GOLM2: variants seen among roughly 807,000 people sequenced by gnomAD.
GOLM2 encodes the protein golgi membrane protein 2, also known as protein GOLM2.
GOLM2 carries 26 observed loss-of-function variants against 55.9 expected under a neutral mutation model. That is an observed-to-expected ratio of 0.47 (90% CI 0.34 to 0.65). The LOEUF (loss-of-function observed/expected upper bound fraction) is 0.65. Ranked by LOEUF, GOLM2 falls within the 30% of genes least tolerant of loss-of-function variation. The probability of loss-of-function intolerance (pLI) is 0.01; values close to 1 mark genes in which losing one functional copy is unlikely to be tolerated. For missense variants in GOLM2, 486 were observed against 531.8 expected (o/e 0.91, Z 0.85); for synonymous variants, 165 against 194.6 (o/e 0.85, Z 1.27).
Position 44,322,976 on chromosome 15 carries a change from G to A in GOLM2, c.339G>A (p.Gln113=). 1 of 1,573,818 alleles carries A rather than the reference G, an allele frequency of 6.4e-7. No homozygotes were observed. The highest frequency in any genetic ancestry group is 8.6e-7 in the Non-Finnish European group (1 of 1,163,748). Residue 113 remains glutamine, a synonymous_variant, in exon 2 of 10, where the codon CAG becomes CAA. Coordinates refer to ENST00000299957, the MANE Select transcript of GOLM2 (RefSeq NM_138423.4). ...TAATTTTTTTTCAGGTTAAACTACA[G>A]AACAACATATCGTATCAGATGGCAG... ...KRCEDDKVKL[Q]NNISYQMADI...
At chr15:44,312,578 CTT>C (rs1431069149) in intron 1 of GOLM2, among the ~76,000 whole-genome samples, 1 of 152,164 alleles carries the variant, frequency 6.6e-6, no homozygotes, top group Non-Finnish European at 1.5e-5. Flanking sequence ...TTTTCAAAGA[CTT>C]TGTAGAATTA....
intron 6 of GOLM2, among the ~76,000 whole-genome samples, chr15:44,350,265 A>G (rs1156499322): frequency 1.3e-5 from 2 of 152,150 alleles, no homozygotes; most frequent in Admixed American, 6.5e-5. Context: ...GAAGACCCAA[A>G]TAAAGTCAGA....
At chr15:44,396,013 C>T (rs1275730967) in intron 8 of GOLM2, among the ~76,000 whole-genome samples, 2 of 151,988 alleles carry the variant, frequency 1.3e-5, no homozygotes. Context: ...TACCTGTACA[C>T]ATAATACAGA....
chr15:44,382,570 G>T (rs796617208), intron 8 of GOLM2, among the ~76,000 whole-genome samples: 2 of 151,886 alleles, frequency 1.3e-5, no homozygotes, highest in African/African-American at 4.8e-5. Context: ...CAGGTGATCC[G>T]CCCGCCTCGG....
chr15:44,388,775 G>A (rs2079466451), intron 8 of GOLM2, among the ~76,000 whole-genome samples: 1 of 152,120 alleles, frequency 6.6e-6, no homozygotes, highest in Non-Finnish European at 1.5e-5. Context: ...AGCCTCTTGA[G>A]TAGCTGGGAT....
chr15:44,345,122 T>C (rs1258997076), intron 6 of GOLM2, among the ~76,000 whole-genome samples: 1 of 151,704 alleles, frequency 6.6e-6, no homozygotes, highest in African/African-American at 2.4e-5. Flanking sequence ...ATTTTTTTAT[T>C]TTTTGAGATG....
intron 1 of GOLM2, among the ~76,000 whole-genome samples, chr15:44,320,196 C>A (rs747720314): frequency 1.4e-4 from 21 of 152,134 alleles, no homozygotes; most frequent in Non-Finnish European, 2.9e-4. Flanking sequence ...TTGTGACTGT[C>A]TTTTTTCATT....
At chr15:44,394,518 G>A (rs1389485397) in intron 8 of GOLM2, among the ~76,000 whole-genome samples, 1 of 152,150 alleles carries the variant, frequency 6.6e-6, no homozygotes, top group Non-Finnish European at 1.5e-5. Context: ...GTCCATCAGT[G>A]AATAGATTGC....
At position 44,326,422 on chromosome 15, in the gene GOLM2, T is replaced by C. The variant is rs370752131; in HGVS notation, c.383-2263T>C. Among the ~76,000 whole-genome samples the C allele has an allele frequency of 2.0e-5, 3 of 152,056 alleles. No individual in the cohort carries two copies. The East Asian group carries it at 5.8e-4, about 29-fold the overall frequency. On this transcript the variant is annotated intron_variant, in intron 2 of 9. Transcript: ENST00000299957. The stretch of plus-strand genomic sequence containing the variant: ...GTTAAGCATTATGTGTCTCAGCAGA[T>C]GTTTATGTGACTTAAATTTTTATTC...
At chr15:44,404,749 C>A (rs1030710520) in intron 9 of GOLM2, among the ~76,000 whole-genome samples, 1 of 151,884 alleles carries the variant, frequency 6.6e-6, no homozygotes, top group Non-Finnish European at 1.5e-5. Flanking sequence ...TTATACCCAC[C>A]CCCCACAGTA....
At chr15:44,339,727 T>C (rs1478365744) in intron 6 of GOLM2, among the ~76,000 whole-genome samples, 1 of 152,170 alleles carries the variant, frequency 6.6e-6, no homozygotes, top group African/African-American at 2.4e-5. Context: ...TTTGATCTCC[T>C]GGGCGCAAGC....
chr15:44,316,769 C>A (rs200254901), intron 1 of GOLM2, among the ~76,000 whole-genome samples: 6,414 of 146,024 alleles, frequency 0.044, 246 homozygotes, highest in East Asian at 0.19. Context: ...AAAAAAAAAA[C>A]AAAAAAGAGC....
chr15:44,316,228 A>C (rs2078908116), intron 1 of GOLM2, among the ~76,000 whole-genome samples: 1 of 152,186 alleles, frequency 6.6e-6, no homozygotes, highest in Non-Finnish European at 1.5e-5. Flanking sequence ...GACCACAAGG[A>C]AATTAAAACT....
chr15:44,363,700 C>A (rs2079260585), intron 6 of GOLM2, among the ~76,000 whole-genome samples: 1 of 151,870 alleles, frequency 6.6e-6, no homozygotes, highest in Non-Finnish European at 1.5e-5. Flanking sequence ...TGGGTATATA[C>A]CCAAAGGACT....
chr15:44,353,905 A>G (rs2079180967), intron 6 of GOLM2, among the ~76,000 whole-genome samples: 1 of 152,168 alleles, frequency 6.6e-6, no homozygotes, highest in South Asian at 2.1e-4. Flanking sequence ...GTTTAATTCT[A>G]TGTTTTTAAA....
chr15:44,301,514 A>G (rs1418248466), intron 1 of GOLM2, among the ~76,000 whole-genome samples: 1 of 152,208 alleles, frequency 6.6e-6, no homozygotes, highest in Non-Finnish European at 1.5e-5. Flanking sequence ...AACAAGACAG[A>G]TATGGTATAC....
intron 1 of GOLM2, among the ~76,000 whole-genome samples, chr15:44,296,885 A>G (rs934121151): frequency 3.3e-5 from 5 of 152,180 alleles, no homozygotes; most frequent in Admixed American, 1.3e-4. Flanking sequence ...AACCTTCTAC[A>G]GTTCTAATAT....
At chr15:44,386,730 G>A (rs60916105) in intron 8 of GOLM2, among the ~76,000 whole-genome samples, 1 of 151,372 alleles carries the variant, frequency 6.6e-6, no homozygotes, top group South Asian at 2.1e-4. Context: ...AATTAGCCAG[G>A]CATGGTGGCA....
intron 6 of GOLM2, among the ~76,000 whole-genome samples, chr15:44,349,174 G>A (rs777406770): frequency 2.7e-5 from 4 of 150,300 alleles, no homozygotes; most frequent in African/African-American, 7.3e-5. Flanking sequence ...CAGGAGAATC[G>A]CTTGAACCCG....
Sources: gnomAD v4.1 joint callset for allele counts (sites outside exome capture counted in the v4.1 genomes callset) on GRCh38, gnomAD v4.1.1 for gene constraint, MANE v1.5 for transcripts, NCBI Gene and HGNC (gene_info 2026-07-23, HGNC 2026-07-21) for gene names.